SUCLG2: variants seen among roughly 807,000 people sequenced by gnomAD.
SUCLG2 encodes the protein succinate-CoA ligase GDP-forming subunit beta.
In SUCLG2, 42 loss-of-function variants were observed where a neutral mutation model predicts 47.9. That is an observed-to-expected ratio of 0.88 (90% confidence interval 0.69 to 1.14). The LOEUF (loss-of-function observed/expected upper bound fraction) is 1.14. Among genes scored for constraint, SUCLG2 ranks in the 50% most tolerant of loss-of-function variants. SUCLG2 has a pLI of 0.00. For missense variants in SUCLG2, 571 were observed against 525.9 expected, an observed-to-expected ratio of 1.09 and a Z score of -0.84; for synonymous variants, 195 against 197.3, an observed-to-expected ratio of 0.99 and a Z score of 0.10.
intron 10 of SUCLG2, among the ~76,000 whole-genome samples, chr3:67,386,202 C>T (rs1174016092): frequency 6.6e-6 from 1 of 152,088 alleles, no homozygotes; most frequent in Middle Eastern, 3.2e-3. Flanking sequence ...CATTCTCCTG[C>T]CTCAGCCTCC....
chr3:67,371,081 A>T (rs1344784155), downstream of SUCLG2, among the ~76,000 whole-genome samples: 2 of 152,206 alleles, frequency 1.3e-5, no homozygotes, highest in East Asian at 3.8e-4. Context: ...GATGTTTGAA[A>T]ACAGATGTGT....
intron 2 of SUCLG2, among the ~76,000 whole-genome samples, chr3:67,575,128 T>C (rs761732527): frequency 1.3e-5 from 2 of 152,214 alleles, no homozygotes; most frequent in Non-Finnish European, 2.9e-5. Flanking sequence ...TGTAGCTACT[T>C]TGGAAAAAGT....
chr3:67,433,725 T>C (rs542358192), intron 9 of SUCLG2, among the ~76,000 whole-genome samples: 5 of 151,924 alleles, frequency 3.3e-5, no homozygotes, highest in East Asian at 1.9e-4. Flanking sequence ...AATCCAGACA[T>C]TGGGTGAATT....
At chr3:67,504,021 G>T (rs982064657) in intron 7 of SUCLG2, among the ~76,000 whole-genome samples, 1 of 152,164 alleles carries the variant, frequency 6.6e-6, no homozygotes, top group Non-Finnish European at 1.5e-5. Context: ...CAGGAAATAA[G>T]ACTATCATAA....
At chr3:67,541,349 T>A (rs6784255) in intron 2 of SUCLG2, among the ~76,000 whole-genome samples, 8,427 of 152,172 alleles carry the variant, frequency 0.055, 332 homozygotes, top group East Asian at 0.18. Flanking sequence ...TAACCAGTTT[T>A]GAGAAGAACA....
chr3:67,565,169 C>A (rs1707418157), intron 2 of SUCLG2, among the ~76,000 whole-genome samples: 1 of 152,076 alleles, frequency 6.6e-6, no homozygotes, highest in South Asian at 2.1e-4. Flanking sequence ...TATAAGGAAG[C>A]AAATAAAACA....
intron 2 of SUCLG2, among the ~76,000 whole-genome samples, chr3:67,563,970 A>AG (rs1185894624): frequency 1.3e-5 from 2 of 148,958 alleles, no homozygotes; most frequent in African/African-American, 4.9e-5. Context: ...AAAAAAAAAA[A>AG]AAAAAAAAGA....
intron 9 of SUCLG2, among the ~76,000 whole-genome samples, chr3:67,461,100 A>G (rs1704320966): frequency 6.6e-6 from 1 of 152,222 alleles, no homozygotes. Context: ...TGCAGGATTT[A>G]AAACTCTATG....
At chr3:67,503,186 T>C (rs1478108741) in intron 7 of SUCLG2, among the ~76,000 whole-genome samples, 1 of 152,080 alleles carries the variant, frequency 6.6e-6, no homozygotes, top group African/African-American at 2.4e-5. Flanking sequence ...ACAGAAAAAG[T>C]TTGCCAATCC....
intron 8 of SUCLG2, among the ~76,000 whole-genome samples, chr3:67,496,638 A>T (rs1434847851): frequency 6.6e-6 from 1 of 152,186 alleles, no homozygotes; most frequent in African/African-American, 2.4e-5. Context: ...AACCGTTAAA[A>T]CTGGAACCAA....
chr3:67,566,026 T>C (rs1307726588), intron 2 of SUCLG2, among the ~76,000 whole-genome samples: 1 of 152,202 alleles, frequency 6.6e-6, no homozygotes, highest in Admixed American at 6.5e-5. Context: ...AGTAACAACC[T>C]TGACTCAATC....
intron 7 of SUCLG2, among the ~76,000 whole-genome samples, chr3:67,500,842 A>T (rs983368764): frequency 2.6e-5 from 4 of 152,244 alleles, no homozygotes; most frequent in Non-Finnish European, 5.9e-5. Context: ...ATCAATAAAC[A>T]AGTAAATCAA....
chr3:67,489,843 A>G (rs1705161457), intron 9 of SUCLG2, among the ~76,000 whole-genome samples: 1 of 152,208 alleles, frequency 6.6e-6, no homozygotes, highest in East Asian at 1.9e-4. Flanking sequence ...ATTTGCAGAC[A>G]TAAACAAAAC....
chr3:67,446,957 T>A (rs1355425429), intron 9 of SUCLG2, among the ~76,000 whole-genome samples: 1 of 152,178 alleles, frequency 6.6e-6, no homozygotes, highest in Non-Finnish European at 1.5e-5. Flanking sequence ...ATCCTTTATG[T>A]TTGAGGAAGA....
chr3:67,546,870 C>T lies in SUCLG2; in HGVS notation c.227-17684G>A, dbSNP rs567067307. On this transcript the variant is annotated intron_variant, in intron 2 of 10. Transcript: ENST00000307227. ...GAGCTGAGATTGTACCACTGCACTC[C>T]AGCCTGGGTTACAGAGTGAGACTCC... Among the ~76,000 whole-genome samples, 11 of 152,312 alleles carry T rather than the reference C, an allele frequency of 7.2e-5. No homozygotes were observed. In the South Asian group the frequency reaches 2.1e-3, roughly 29 times the overall value.
intron 9 of SUCLG2, among the ~76,000 whole-genome samples, chr3:67,470,883 C>T (rs954150949): frequency 5.3e-5 from 8 of 152,184 alleles, no homozygotes; most frequent in Non-Finnish European, 7.3e-5. Flanking sequence ...TCTATCCTTG[C>T]CCTACAAACC....
intron 10 of SUCLG2, among the ~76,000 whole-genome samples, chr3:67,385,564 A>T (rs949351375): frequency 1.8e-4 from 28 of 152,122 alleles, no homozygotes; most frequent in African/African-American, 6.8e-4. Flanking sequence ...CCTTTTAGGG[A>T]TATGCCACTC....
intron 2 of SUCLG2, among the ~76,000 whole-genome samples, chr3:67,577,959 A>G (rs1053489260): frequency 1.3e-5 from 2 of 152,140 alleles, no homozygotes; most frequent in East Asian, 3.8e-4. Context: ...GTCAAATCTG[A>G]ATTTCAAAAA....
chr3:67,392,322 T>A (rs79165607), intron 10 of SUCLG2, among the ~76,000 whole-genome samples: 1,713 of 152,276 alleles, frequency 0.011, 18 homozygotes, highest in Non-Finnish European at 0.016. Flanking sequence ...ATCATCAGCT[T>A]AAACCCAGTA....
Sources: gnomAD v4.1 joint callset for allele counts (sites outside exome capture counted in the v4.1 genomes callset) on GRCh38, gnomAD v4.1.1 for gene constraint, MANE v1.5 for transcripts, NCBI Gene and HGNC (gene_info 2026-07-23, HGNC 2026-07-21) for gene names.